Variants in ADAMTS6 observed in about 807,000 individuals in gnomAD.
ADAMTS6 encodes A disintegrin and metalloproteinase with thrombospondin motifs 6.
A neutral mutation model predicts 144.3 loss-of-function variants in ADAMTS6; 23 were observed. The observed-to-expected ratio is 0.16, with a 90% confidence interval of 0.11 to 0.23. The LOEUF (loss-of-function observed/expected upper bound fraction) is 0.23. Ranked by LOEUF, ADAMTS6 falls within the 10% of genes least tolerant of loss-of-function variation. The pLI is 1.00. For synonymous variants in ADAMTS6, 444 were observed against 457.5 expected (o/e 0.97, Z 0.38); for missense variants, 999 against 1,379.6 (o/e 0.72, Z 4.37).
At position 65,341,510 on chromosome 5, in the gene ADAMTS6, A is replaced by C. The variant is rs534357648; in HGVS notation, c.1074-7425T>G. Among the ~76,000 whole-genome samples, 5 of 152,092 alleles carry C rather than the reference A, an allele frequency of 3.3e-5. No individual in the cohort carries two copies. The South Asian group carries it at 1.0e-3, about 31-fold the overall frequency. Reference sequence around the variant, plus strand: ...GAATAATATCTCAGAAATAAAAAAAAGTGATGCCACAACAGACACCACAGA... The same window carrying C: ...GAATAATATCTCAGAAATAAAAAAACGTGATGCCACAACAGACACCACAGA... On this transcript the variant is annotated intron_variant, in intron 7 of 24. Coordinates refer to ENST00000381055, the MANE Select transcript of ADAMTS6 (RefSeq NM_197941.4).
chr5:65,313,657 G>A (rs1198786073), intron 9 of ADAMTS6, among the ~76,000 whole-genome samples: 2 of 151,930 alleles, frequency 1.3e-5, no homozygotes, highest in African/African-American at 4.8e-5. Flanking sequence ...ATATTATTAA[G>A]CATGATTTTA....
intron 7 of ADAMTS6, among the ~76,000 whole-genome samples, chr5:65,421,398 A>G (rs1756030359): frequency 6.6e-6 from 1 of 152,154 alleles, no homozygotes. Flanking sequence ...TAGGACCCCA[A>G]TCCCTTCTGG....
intron 7 of ADAMTS6, among the ~76,000 whole-genome samples, chr5:65,365,743 C>T (rs1750247010): frequency 1.3e-5 from 2 of 151,894 alleles, no homozygotes; most frequent in Non-Finnish European, 2.9e-5. Context: ...TATAAGGACC[C>T]TATTTAGTAT....
chr5:65,170,684 A>C lies in ADAMTS6; in HGVS notation c.3177T>G (p.Thr1059=). The C allele has an allele frequency of 6.2e-7, 1 of 1,614,166 alleles. No individual in the cohort carries two copies. The highest frequency in any genetic ancestry group is 8.5e-7 in the Non-Finnish European group (1 of 1,180,030). ...TGQASSDCLE[T]VRPPSMQQCE... is the part of the protein sequence containing the mutation. ...ACTGCTGCATTGATGGAGGCCGAACAGTTTCTAGACAGTCACTAGATGCCT... is the reference window on the plus strand; with the variant it reads ...ACTGCTGCATTGATGGAGGCCGAACCGTTTCTAGACAGTCACTAGATGCCT... Residue 1059 remains threonine (T), a synonymous_variant, in exon 24 of 25, where the codon ACT becomes ACG. Coordinates refer to ENST00000381055, the MANE Select transcript of ADAMTS6 (RefSeq NM_197941.4).
intron 7 of ADAMTS6, among the ~76,000 whole-genome samples, chr5:65,338,998 GCCCT>G (rs1311924045): frequency 6.6e-6 from 1 of 152,140 alleles, no homozygotes; most frequent in Admixed American, 6.5e-5. Flanking sequence ...CTGAGAAATA[GCCCT>G]CCAAGCCACT....
At chr5:65,288,187 A>G (rs557674136) in intron 11 of ADAMTS6, among the ~76,000 whole-genome samples, 49 of 152,352 alleles carry the variant, frequency 3.2e-4, no homozygotes, top group Non-Finnish European at 6.0e-4. Context: ...TCATAACTAC[A>G]GATGTAATCA....
At chr5:65,193,595 T>C (rs1475670249) in intron 21 of ADAMTS6, among the ~76,000 whole-genome samples, 2 of 152,156 alleles carry the variant, frequency 1.3e-5, no homozygotes, top group Admixed American at 1.3e-4. Context: ...TGTTGTTCAC[T>C]TCCAGGAAAA....
chr5:65,299,904 A>T lies in ADAMTS6; in HGVS notation c.1370+81T>A, dbSNP rs76108391. 7.6e-4 allele frequency: 1,099 copies of T among 1,453,988 alleles called. 9 individuals carry two copies. In the African/African-American group the frequency reaches 0.013, roughly 18 times the overall value. The allele number at this position is 1,453,988 out of a possible 1,614,324, so 90.1% of individuals were successfully genotyped here. A position where few individuals can be genotyped will look rare whatever the true frequency, so the allele number is the denominator to read the frequency against. On this transcript the variant is annotated intron_variant, in intron 10 of 24. Coordinates refer to ENST00000381055, the MANE Select transcript of ADAMTS6 (RefSeq NM_197941.4). ...CCTATAAAACTTACTCATTATGCAA[A>T]GTTGAAAGCACTACATGTTAGGCTT... is the stretch of plus-strand genomic sequence containing the variant.
chr5:65,173,888 T>C (rs981596188), intron 22 of ADAMTS6, among the ~76,000 whole-genome samples: 3 of 151,932 alleles, frequency 2.0e-5, no homozygotes, highest in Admixed American at 6.6e-5. Flanking sequence ...CTGGGTGTGG[T>C]GGTGTGTGTC....
At chr5:65,334,010 A>AC in intron 8 of ADAMTS6, 32 bp downstream of exon 8, 8 of 1,368,606 alleles carry the variant, frequency 5.8e-6, no homozygotes, top group South Asian at 1.9e-5. Flanking sequence ...AAAAAAAAAA[A>AC]AAAAAAAAAA....
intron 14 of ADAMTS6, among the ~76,000 whole-genome samples, chr5:65,244,387 G>A (rs143457248): frequency 5.1e-4 from 77 of 152,108 alleles, no homozygotes; most frequent in African/African-American, 1.6e-3. Flanking sequence ...AAAGGCAAAC[G>A]AAACAAAAAT....
intron 7 of ADAMTS6, among the ~76,000 whole-genome samples, chr5:65,374,060 C>A (rs1042452854): frequency 7.9e-5 from 12 of 152,206 alleles, no homozygotes; most frequent in South Asian, 4.2e-4. Context: ...ATTCAACAAC[C>A]CTTCATGCTA....
At chr5:65,281,345 T>C (rs1227354477) in intron 11 of ADAMTS6, among the ~76,000 whole-genome samples, 2 of 152,156 alleles carry the variant, frequency 1.3e-5, no homozygotes, top group Admixed American at 6.5e-5. Flanking sequence ...CAATAAAATA[T>C]AAAACCTCAC....
chr5:65,471,545 AATT>A (rs1324893503), intron 2 of ADAMTS6, among the ~76,000 whole-genome samples: 1 of 152,070 alleles, frequency 6.6e-6, no homozygotes. Context: ...GCCTTGTAGA[AATT>A]ATTATTTTTT....
intron 4 of ADAMTS6, among the ~76,000 whole-genome samples, chr5:65,458,360 G>A (rs1433144597): frequency 6.6e-6 from 1 of 152,136 alleles, no homozygotes; most frequent in Admixed American, 6.5e-5. Context: ...GAAGAATATG[G>A]AGAAGAAACA....
At chr5:65,366,707 C>T (rs1250140395) in intron 7 of ADAMTS6, among the ~76,000 whole-genome samples, 4 of 152,156 alleles carry the variant, frequency 2.6e-5, no homozygotes, top group Non-Finnish European at 4.4e-5. Flanking sequence ...TCAGATTATT[C>T]TAAGTATTAA....
intron 11 of ADAMTS6, among the ~76,000 whole-genome samples, chr5:65,278,552 T>A (rs1381903435): frequency 6.6e-6 from 1 of 152,174 alleles, no homozygotes; most frequent in Non-Finnish European, 1.5e-5. Flanking sequence ...CTCACTGTGG[T>A]TTTAATTTGC....
intron 7 of ADAMTS6, among the ~76,000 whole-genome samples, chr5:65,441,218 G>A (rs970563981): frequency 2.0e-5 from 3 of 152,042 alleles, no homozygotes; most frequent in Non-Finnish European, 4.4e-5. Flanking sequence ...TATTAGACCA[G>A]ACTGATGGAT....
In ADAMTS6 at chr5:65,438,146, G is replaced by C. The variant is rs188668079; in HGVS notation, c.1073+13329C>G. On this transcript the variant is annotated intron_variant, in intron 7 of 24. Transcript: ENST00000381055. ...TCTCAACACAAAACCTATTTCCCAA[G>C]GTTTTATTCATTTTGCTATTCACCT... is the stretch of plus-strand genomic sequence containing the variant. Among the ~76,000 whole-genome samples, 29 of 152,186 alleles carry C rather than the reference G, an allele frequency of 1.9e-4. No individual in the cohort carries two copies. In the East Asian group the frequency reaches 4.6e-3, roughly 24 times the overall value.
Sources: allele counts gnomAD v4.1 joint callset (sites outside exome capture counted in the v4.1 genomes callset), GRCh38; gene constraint gnomAD v4.1.1; transcripts MANE v1.5; gene names NCBI Gene and HGNC (gene_info 2026-07-23, HGNC 2026-07-21).